The following FAM184B variants were observed in gnomAD, a reference collection of about 807,000 sequenced individuals.
FAM184B encodes the protein protein FAM184B.
A neutral mutation model predicts 135.9 loss-of-function variants in FAM184B; 111 were observed. The observed-to-expected ratio is 0.82, with a 90% CI of 0.70 to 0.96. FAM184B has a LOEUF of 0.96. Ranked by LOEUF, FAM184B falls within the 40% of genes least tolerant of loss-of-function variation. FAM184B has a pLI of 0.00. For missense variants in FAM184B, 1,375 were observed against 1,323.9 expected (o/e 1.04, Z -0.60); for synonymous variants, 552 against 524.8 (o/e 1.05, Z -0.71).
At chr4:17,653,500 C>G (rs888807897) in intron 10 of FAM184B, among the ~76,000 whole-genome samples, 2 of 151,998 alleles carry the variant, frequency 1.3e-5, no homozygotes, top group African/African-American at 2.4e-5. Context: ...TGAGAACTGT[C>G]TGTGTCTCTG....
At position 17,662,647 on chromosome 4, in the gene FAM184B, G is replaced by A. The variant is rs147717860; in HGVS notation, c.1694+1915C>T. ...GCCACTGTGCCCGGCAATGTTTTTC[G>A]TTTCTTTTACTTAAATACCTAAAAG... On this transcript the variant is annotated intron_variant, in intron 8 of 17. Transcript: ENST00000265018. 2.5e-3 allele frequency among the ~76,000 whole-genome samples: 374 copies of A among 152,246 alleles called. 2 individuals are homozygous for A. The highest frequency in any genetic ancestry group is 6.8e-3 in the Middle Eastern group (2 of 294).
In FAM184B at chr4:17,709,622, CG is replaced by C. The variant is rs1717209882; in HGVS notation, c.163del (p.Arg55AlafsTer60). ...CATGCTGGCCTCAGCCTCATCCTGG[CG>C]GGTGTTCAGGGCATAAATCACCTGC... ...LTKVIYALNT[R>X]QDEAEASMEA... On this transcript the variant is annotated frameshift_variant, in exon 2 of 18. Coordinates refer to ENST00000265018, the MANE Select transcript of FAM184B (RefSeq NM_015688.2). LOFTEE classifies it high-confidence loss of function. 4.6e-6 allele frequency: 7 copies of C among 1,520,522 alleles called. No individual in the cohort carries two copies. The highest frequency in any genetic ancestry group is 5.3e-6 in the Non-Finnish European group (6 of 1,135,066). The allele number at this position is 1,520,522 out of a possible 1,614,324, so 94.2% of individuals were successfully genotyped here.
At position 17,631,858 on chromosome 4, in the gene FAM184B, G is replaced by A. The variant is rs1448746816; in HGVS notation, c.*674C>T. The stretch of plus-strand genomic sequence containing the variant: ...TTTTACATAGAAACAGCTTTCCAGT[G>A]GAGTTGACTAGCATCCTAAGGACAA... On this transcript the variant is annotated 3_prime_UTR_variant, in exon 18 of 18. Transcript: ENST00000265018. The A allele has an allele frequency of 6.6e-6, 1 of 151,974 alleles. No individual in the cohort carries two copies. The highest frequency in any genetic ancestry group is 1.5e-5 in the Non-Finnish European group (1 of 68,006). 9.4% of individuals were successfully genotyped at this position (151,974 alleles called of 1,614,324 possible).
intron 5 of FAM184B, among the ~76,000 whole-genome samples, chr4:17,694,166 T>TC (rs1337384712): frequency 6.6e-6 from 1 of 152,118 alleles, no homozygotes; most frequent in African/African-American, 2.4e-5. Flanking sequence ...ACTGTGCTAC[T>TC]CACTTGCTCC....
At chr4:17,780,789 A>G (rs1018068331) in intron 1 of FAM184B, among the ~76,000 whole-genome samples, 4 of 152,186 alleles carry the variant, frequency 2.6e-5, no homozygotes, top group Admixed American at 2.6e-4. Context: ...AATAGAGCCC[A>G]CATGACCTCC....
Position 17,687,265 on chromosome 4 carries a change from T to C in FAM184B, c.1596+1159A>G, listed in dbSNP as rs115885436. On this transcript the variant is annotated intron_variant, in intron 7 of 17. Coordinates refer to ENST00000265018, the MANE Select transcript of FAM184B (RefSeq NM_015688.2). Reference sequence around the variant, plus strand: ...ATTCAGACTGACCCATGTAGTGTTTTCCCTCCTGGAGTTTGAAATGGCCTG... The same window carrying C: ...ATTCAGACTGACCCATGTAGTGTTTCCCCTCCTGGAGTTTGAAATGGCCTG... Among the ~76,000 whole-genome samples the C allele has an allele frequency of 5.9e-3, 900 of 152,276 alleles. 7 individuals are homozygous for C. Among genetic ancestry groups the C allele is most frequent in the African/African-American group, 0.021 (869 of 41,560 alleles).
chr4:17,708,515 G>C (rs539736187), intron 2 of FAM184B, among the ~76,000 whole-genome samples: 2 of 150,994 alleles, frequency 1.3e-5, no homozygotes, highest in East Asian at 3.9e-4. Flanking sequence ...TATGGTGGTG[G>C]GCACTTGTAT....
intron 1 of FAM184B, among the ~76,000 whole-genome samples, chr4:17,777,622 G>C (rs1718952494): frequency 6.6e-6 from 1 of 152,132 alleles, no homozygotes; most frequent in South Asian, 2.1e-4. Flanking sequence ...AAATTATTTA[G>C]AAGACTGGCA....
intron 1 of FAM184B, among the ~76,000 whole-genome samples, chr4:17,724,111 TCA>T (rs112763574): frequency 0.016 from 2,470 of 150,286 alleles, 35 homozygotes; most frequent in South Asian, 0.029. Flanking sequence ...AAACAAAATC[TCA>T]CACACACACA....
chr4:17,731,780 G>A (rs1454701251), intron 1 of FAM184B, among the ~76,000 whole-genome samples: 12 of 151,970 alleles, frequency 7.9e-5, no homozygotes, highest in African/African-American at 2.9e-4. Flanking sequence ...GAGACAGAAA[G>A]TTAAAAGTTA....
intron 8 of FAM184B, 134 bp downstream of exon 8, chr4:17,664,419 ACAAGATATG>A (rs1003808509): frequency 4.6e-5 from 29 of 630,822 alleles, no homozygotes; most frequent in Non-Finnish European, 6.8e-5. Context: ...CTGAAGACAT[ACAAGATATG>A]CTTGTTGCCT....
rs559118491 is a variant in FAM184B at position 17,658,389 on chromosome 4, G to A, written c.1998C>T (p.Ala666=). 294 of 1,551,642 alleles carry A rather than the reference G, an allele frequency of 1.9e-4. 1 individual carries two copies. The African/African-American group carries it at 3.4e-3, about 18-fold the overall frequency. Residue 666 remains alanine (A), a synonymous_variant, in exon 10 of 18, where the codon GCC becomes GCT. Coordinates refer to ENST00000265018, the MANE Select transcript of FAM184B (RefSeq NM_015688.2). ...GTCTGGCCTTCTCCAGCATGCGCAG[G>A]GCTCTCTGGTGGGAAGCCTCGAGCT... The part of the protein sequence containing the change: ...KAQLEASHQR[A]LRMLEKARHQ...
chr4:17,676,262 G>A (rs1716307896), intron 7 of FAM184B, among the ~76,000 whole-genome samples: 1 of 152,162 alleles, frequency 6.6e-6, no homozygotes, highest in South Asian at 2.1e-4. Context: ...GATAGAGAGG[G>A]AAAGACGGGA....
chr4:17,638,401 C>A (rs190472542), intron 14 of FAM184B, among the ~76,000 whole-genome samples: 51 of 151,904 alleles, frequency 3.4e-4, no homozygotes, highest in South Asian at 1.9e-3. Context: ...CAATGTTGCC[C>A]AGGCTGGTCT....
intron 11 of FAM184B, among the ~76,000 whole-genome samples, chr4:17,648,259 G>A (rs570962507): frequency 1.4e-4 from 22 of 152,226 alleles, no homozygotes; most frequent in Non-Finnish European, 2.8e-4. Context: ...TAGGAGGCCA[G>A]GCAAAGAACA....
At chr4:17,658,317 G>A (rs758544420) in intron 10 of FAM184B, 33 bp downstream of exon 10, 17 of 1,546,118 alleles carry the variant, frequency 1.1e-5, no homozygotes, top group African/African-American at 5.5e-5. Context: ...GCAGGTGCCC[G>A]GCACAGAGTA....
intron 7 of FAM184B, among the ~76,000 whole-genome samples, chr4:17,674,663 G>A (rs1267084811): frequency 6.6e-6 from 1 of 152,154 alleles, no homozygotes; most frequent in Non-Finnish European, 1.5e-5. Context: ...TTTAAAAATT[G>A]GAGGCAATCC....
chr4:17,670,046 A>G (rs1358756392), intron 7 of FAM184B, among the ~76,000 whole-genome samples: 1 of 152,220 alleles, frequency 6.6e-6, no homozygotes, highest in Non-Finnish European at 1.5e-5. Flanking sequence ...CACATTTTAC[A>G]GACTGTGCTA....
chr4:17,778,336 C>T (rs1393951248), intron 1 of FAM184B, among the ~76,000 whole-genome samples: 1 of 152,022 alleles, frequency 6.6e-6, no homozygotes, highest in Non-Finnish European at 1.5e-5. Flanking sequence ...ATTTTATATC[C>T]AAATAAATCA....
Sources: gnomAD v4.1 joint callset for allele counts (sites outside exome capture counted in the v4.1 genomes callset) on GRCh38, gnomAD v4.1.1 for gene constraint, MANE v1.5 for transcripts, NCBI Gene and HGNC (gene_info 2026-07-23, HGNC 2026-07-21) for gene names.